Variants in ENPP1 observed in about 807,000 individuals in gnomAD.
The protein encoded by ENPP1 is ectonucleotide pyrophosphatase/phosphodiesterase family member 1.
In ENPP1, 73 loss-of-function variants were observed where a neutral mutation model predicts 122.8. The ratio of observed to expected loss-of-function variants is 0.59; its 90% CI spans 0.49 to 0.72. ENPP1 has a LOEUF of 0.72. ENPP1 is among the 30% of genes least tolerant of loss of function. ENPP1 has a pLI of 0.00. For missense variants in ENPP1, 978 were observed against 1,128.1 expected, an observed-to-expected ratio of 0.87 and a Z score of 1.91; for synonymous variants, 367 against 391.6, an observed-to-expected ratio of 0.94 and a Z score of 0.74.
At chr6:131,855,160 G>C in intron 6 of ENPP1, 137 bp downstream of exon 6, 1 of 715,622 alleles carries the variant, frequency 1.4e-6, no homozygotes, top group South Asian at 1.5e-5. Flanking sequence ...GTTGAACCTT[G>C]TGTAAGGCGC....
rs975120756 is a variant in ENPP1 at position 131,878,461 on chromosome 6, A to T, written c.1894-81A>T. On this transcript the variant is annotated intron_variant, in intron 18 of 24. Coordinates refer to ENST00000647893, the MANE Select transcript of ENPP1 (RefSeq NM_006208.3). ...AATGATCTTTGTTCTATGTTGGAAT[A>T]ATCAATCTATAGCGGTTCTATGTTA... The T allele has an allele frequency of 4.8e-6, 4 of 840,130 alleles. No homozygotes were observed. In the African/African-American group the frequency reaches 6.7e-5, roughly 14 times the overall value. 52.0% of individuals were successfully genotyped at this position (840,130 alleles called of 1,614,324 possible). A position where few individuals can be genotyped will look rare whatever the true frequency, so the allele number is the denominator to read the frequency against.
intron 1 of ENPP1, among the ~76,000 whole-genome samples, chr6:131,825,068 A>G (rs1420464696): frequency 2.6e-5 from 4 of 152,052 alleles, no homozygotes; most frequent in African/African-American, 9.7e-5. Context: ...TCAAAAAAAA[A>G]ACAAACAAAC....
At chr6:131,859,402 T>G (rs964361682) in intron 7 of ENPP1, among the ~76,000 whole-genome samples, 1 of 152,086 alleles carries the variant, frequency 6.6e-6, no homozygotes, top group Non-Finnish European at 1.5e-5. Context: ...TTTTTGTTTT[T>G]TTGAGATGGA....
At chr6:131,834,431 G>A (rs955603486) in intron 1 of ENPP1, among the ~76,000 whole-genome samples, 1 of 152,082 alleles carries the variant, frequency 6.6e-6, no homozygotes, top group Admixed American at 6.5e-5. Flanking sequence ...TAAGGCTCCT[G>A]GGCTGGTGTT....
intron 1 of ENPP1, among the ~76,000 whole-genome samples, chr6:131,823,377 G>T (rs1210007259): frequency 6.6e-6 from 1 of 152,028 alleles, no homozygotes; most frequent in Non-Finnish European, 1.5e-5. Context: ...TGCATACTTT[G>T]TATTAAGGAG....
At chr6:131,886,802 AT>A in intron 24 of ENPP1, 78 bp downstream of exon 24, 1 of 1,271,898 alleles carries the variant, frequency 7.9e-7, no homozygotes, top group Non-Finnish European at 1.1e-6. Context: ...CCCATCTGAC[AT>A]TACAGTGAGA....
intron 1 of ENPP1, among the ~76,000 whole-genome samples, chr6:131,821,862 C>T (rs544831569): frequency 5.3e-5 from 8 of 152,312 alleles, no homozygotes; most frequent in Middle Eastern, 3.4e-3. Context: ...CTTATACCAA[C>T]GCTTTTTCAG....
intron 1 of ENPP1, among the ~76,000 whole-genome samples, chr6:131,814,281 C>G (rs1266467371): frequency 6.6e-6 from 1 of 152,066 alleles, no homozygotes; most frequent in Non-Finnish European, 1.5e-5. Flanking sequence ...ACCTCATCTC[C>G]ACAACATGTG....
rs114913984 is a variant in ENPP1 at position 131,840,574 on chromosome 6, G to A, written c.241-7202G>A. Among the ~76,000 whole-genome samples the A allele has an allele frequency of 6.6e-3, 999 of 152,216 alleles. 26 individuals carry two copies. Among genetic ancestry groups the A allele is most frequent in the African/African-American group, 0.023 (957 of 41,512 alleles). ...AATCTAGGCATGTTTTGTACATTCCGCCGAAGGCTCCTGCCAACTTTGTGA... is the reference window on the plus strand; with the variant it reads ...AATCTAGGCATGTTTTGTACATTCCACCGAAGGCTCCTGCCAACTTTGTGA... On this transcript the variant is annotated intron_variant, in intron 1 of 24. Transcript: ENST00000647893.
Position 131,850,097 on chromosome 6 carries a change from A to G in ENPP1, c.421A>G (p.Ile141Val). The G allele has an allele frequency of 6.2e-7, 1 of 1,606,446 alleles. No individual in the cohort carries two copies. Among genetic ancestry groups the G allele is most frequent in the Non-Finnish European group, 8.5e-7 (1 of 1,172,996 alleles). The change falls in exon 3 of 25, where the codon ATA becomes GTA. Residue 141 changes from isoleucine to valine, a missense_variant. Transcript: ENST00000647893. ...CTGTTTAGATTACCAGGAGACGTGC[A>G]TAGAACCAGGTAAGGATGAGCAGGG... is the stretch of plus-strand genomic sequence containing the variant. The part of the protein sequence containing the change: ...NCCLDYQETC[I>V]EPEHIWTCNK...
intron 6 of ENPP1, among the ~76,000 whole-genome samples, chr6:131,857,747 A>G (rs1485830144): frequency 6.6e-6 from 1 of 152,124 alleles, no homozygotes; most frequent in African/African-American, 2.4e-5. Flanking sequence ...ACATGTATAC[A>G]TATGTAACTA....
chr6:131,832,026 T>C (rs1296580191), intron 1 of ENPP1, among the ~76,000 whole-genome samples: 1 of 152,202 alleles, frequency 6.6e-6, no homozygotes, highest in African/African-American at 2.4e-5. Flanking sequence ...GTACTCTGTT[T>C]TTCATGTTTT....
intron 1 of ENPP1, among the ~76,000 whole-genome samples, chr6:131,830,507 G>A (rs188129280): frequency 3.1e-4 from 47 of 152,228 alleles, no homozygotes; most frequent in African/African-American, 1.1e-3. Context: ...TCACAGGCAG[G>A]GAAAGGATGT....
Position 131,892,757 on chromosome 6 carries a change from G to A in ENPP1, c.*2246G>A, listed in dbSNP as rs1257394381. On this transcript the variant is annotated 3_prime_UTR_variant, in exon 25 of 25. Coordinates refer to ENST00000647893, the MANE Select transcript of ENPP1 (RefSeq NM_006208.3). ...TCTTTACAGCTTGGTGAGAGTGTAA[G>A]TCTGGACTCCCCACTCAGCATTTGC... The A allele has an allele frequency of 6.6e-6, 1 of 152,174 alleles. No individual in the cohort carries two copies. Among genetic ancestry groups the A allele is most frequent in the Non-Finnish European group, 1.5e-5 (1 of 68,056 alleles). The allele number at this position is 152,174 out of a possible 1,614,324, so 9.4% of individuals were successfully genotyped here.
intron 1 of ENPP1, among the ~76,000 whole-genome samples, chr6:131,810,744 G>A (rs1375181747): frequency 6.6e-6 from 1 of 152,174 alleles, no homozygotes; most frequent in Non-Finnish European, 1.5e-5. Context: ...TTGCCTTTCA[G>A]AGGCAATCAT....
intron 2 of ENPP1, among the ~76,000 whole-genome samples, chr6:131,849,377 C>T (rs1781853090): frequency 6.6e-6 from 1 of 152,044 alleles, no homozygotes; most frequent in Admixed American, 6.6e-5. Flanking sequence ...GGAAATCAGG[C>T]CTAGCTGGGG....
At chr6:131,864,476 T>A (rs991899472) in intron 9 of ENPP1, 30 bp from the exon 10 acceptor site, 1 of 1,430,578 alleles carries the variant, frequency 7.0e-7, no homozygotes, top group Admixed American at 1.7e-5. Context: ...TTGTCAGCCA[T>A]CTTTTATTTT....
chr6:131,859,393 T>TG (rs1416878653), intron 7 of ENPP1, among the ~76,000 whole-genome samples: 19 of 151,974 alleles, frequency 1.3e-4, no homozygotes, highest in Admixed American at 5.2e-4. Flanking sequence ...CCTTTTTTTT[T>TG]TTTGTTTTTT....
chr6:131,888,629 C>G (rs185999100), intron 24 of ENPP1, among the ~76,000 whole-genome samples: 2 of 152,160 alleles, frequency 1.3e-5, no homozygotes, highest in Non-Finnish European at 2.9e-5. Flanking sequence ...TTCAGAATTA[C>G]TTGTTCCTAT....
Sources: allele counts gnomAD v4.1 joint callset (sites outside exome capture counted in the v4.1 genomes callset), GRCh38; gene constraint gnomAD v4.1.1; transcripts MANE v1.5; gene names NCBI Gene and HGNC (gene_info 2026-07-23, HGNC 2026-07-21).